Variants in DNAH5 observed in about 807,000 individuals in gnomAD.
The protein encoded by DNAH5 is dynein axonemal heavy chain 5.
A neutral mutation model predicts 518.2 loss-of-function variants in DNAH5; 372 were observed. The observed-to-expected ratio is 0.72, with a 90% CI of 0.66 to 0.78. The LOEUF (loss-of-function observed/expected upper bound fraction) is 0.78, where lower values mean the gene tolerates loss of function less well. Ranked by LOEUF, DNAH5 falls within the 30% of genes least tolerant of loss-of-function variation. DNAH5 has a pLI of 0.00. For missense variants in DNAH5, 5,523 were observed against 5,687.0 expected (o/e 0.97, Z 0.93); for synonymous variants, 2,039 against 2,025.9 (o/e 1.01, Z -0.17).
chr5:13,958,405 T>G (rs1780924670), intron 1 of DNAH5, among the ~76,000 whole-genome samples: 1 of 152,172 alleles, frequency 6.6e-6, no homozygotes, highest in African/African-American at 2.4e-5. Context: ...TACTGGGTAT[T>G]TGTGTTTTGT....
At position 13,721,132 on chromosome 5, in the gene DNAH5, C is replaced by G. The variant is rs893230187; in HGVS notation, c.12147G>C (p.Leu4049=). The change falls in exon 71 of 79, where the codon CTG becomes CTC. Residue 4049 remains leucine, a synonymous_variant. Coordinates refer to ENST00000265104, the MANE Select transcript of DNAH5 (RefSeq NM_001369.3). ...SDPRTPLICL[L]SMGSDPTDSI... ...AATCTGTGGGGTCTGAGCCCATAGA[C>G]AGGAGACAGATGAGTGGCGTCCGTG... 13 of 1,614,114 alleles carry G rather than the reference C, an allele frequency of 8.1e-6. No individual in the cohort carries two copies. The African/African-American group carries it at 1.5e-4, about 18-fold the overall frequency.
At chr5:13,698,010 C>A (rs533504885) in intron 78 of DNAH5, among the ~76,000 whole-genome samples, 47 of 152,238 alleles carry the variant, frequency 3.1e-4, no homozygotes, top group African/African-American at 1.0e-3. Context: ...AGGGTGAATC[C>A]CTTATGAATG....
intron 30 of DNAH5, among the ~76,000 whole-genome samples, chr5:13,859,214 A>G (rs528505547): frequency 6.6e-6 from 1 of 152,150 alleles, no homozygotes; most frequent in African/African-American, 2.4e-5. Flanking sequence ...TGTTTTTTTA[A>G]CCCTCTATCT....
intron 56 of DNAH5, 65 bp from the exon 57 acceptor site, chr5:13,769,680 C>T: frequency 7.5e-7 from 1 of 1,334,640 alleles, no homozygotes; most frequent in Non-Finnish European, 1.1e-6. Flanking sequence ...TTCTCAAGTA[C>T]TGGTCCAATA....
intron 11 of DNAH5, 111 bp downstream of exon 11, chr5:13,913,632 A>G (rs943709297): frequency 7.7e-7 from 1 of 1,294,098 alleles, no homozygotes; most frequent in Non-Finnish European, 1.1e-6. Flanking sequence ...GATTATTTAT[A>G]TTTTACTTTA....
chr5:13,923,386 G>C lies in DNAH5; in HGVS notation c.332C>G (p.Pro111Arg). The C allele has an allele frequency of 6.2e-7, 1 of 1,614,130 alleles. No individual in the cohort carries two copies. Among genetic ancestry groups the C allele is most frequent in the Non-Finnish European group, 8.5e-7 (1 of 1,179,996 alleles). ...VNLVSGKIKKPKVFVTEGNDV... is the reference protein window; with the variant it reads ...VNLVSGKIKKRKVFVTEGNDV... ...GTTTCCCTCGGTCACGAACACCTTA[G>C]GTTTTTTAATCTTTCCAGAAACAAG... The change falls in exon 4 of 79, where the codon CCT becomes CGT. Residue 111 changes from proline (P) to arginine (R), a missense_variant. Physicochemically the swap from Pro to Arg is moderately radical, Grantham distance 103. Around this residue, in one of 3 missense-constraint regions of DNAH5, gnomAD observed 5,121 missense variants for 5,223.3 expected, o/e 0.98. Transcript: ENST00000265104.
chr5:13,730,919 C>T (rs115092964), intron 68 of DNAH5, among the ~76,000 whole-genome samples: 15,621 of 151,934 alleles, frequency 0.1, 1,073 homozygotes, highest in Non-Finnish European at 0.14. Context: ...AGGCTGGTCT[C>T]GAACTCCCGA....
intron 52 of DNAH5, among the ~76,000 whole-genome samples, chr5:13,781,726 A>C (rs1431176700): frequency 2.0e-5 from 3 of 152,094 alleles, no homozygotes; most frequent in African/African-American, 7.2e-5. Context: ...TGGAACTATA[A>C]GTCCAATTAA....
intron 1 of DNAH5, among the ~76,000 whole-genome samples, chr5:13,934,060 T>A (rs1778679275): frequency 6.6e-6 from 1 of 151,832 alleles, no homozygotes; most frequent in Non-Finnish European, 1.5e-5. Context: ...TGGCCAGTTT[T>A]CACCAAAAAA....
chr5:13,903,443 A>G (rs979236907), intron 12 of DNAH5, among the ~76,000 whole-genome samples: 2 of 152,094 alleles, frequency 1.3e-5, no homozygotes, highest in Non-Finnish European at 2.9e-5. Flanking sequence ...CCACAATTAA[A>G]AAAAGACTTA....
In DNAH5 at chr5:13,830,753, C is replaced by T. The variant is rs771510217; in HGVS notation, c.5905G>A (p.Ala1969Thr). ...TDRCYITLAQ[A>T]LGMSMGGAPA... The stretch of plus-strand genomic sequence containing the variant: ...GCTCCCCCCATGCTCATTCCCAGAG[C>T]TTGAGCCAGCGTGATGTAACATCTG... The change falls in exon 36 of 79, where the codon GCT becomes ACT. Residue 1969 changes from alanine to threonine, a missense_variant. By Grantham distance (58) the Ala-to-Thr change is moderately conservative. This residue lies in a region of DNAH5 where 5,121 missense variants were observed against 5,223.3 expected (regional missense o/e 0.98). Coordinates refer to ENST00000265104, the MANE Select transcript of DNAH5 (RefSeq NM_001369.3). The T allele has an allele frequency of 6.8e-6, 11 of 1,614,040 alleles. No individual in the cohort carries two copies. Among genetic ancestry groups the T allele is most frequent in the Non-Finnish European group, 9.3e-6 (11 of 1,180,028 alleles).
At chr5:13,782,346 T>A (rs1317290230) in intron 52 of DNAH5, among the ~76,000 whole-genome samples, 1 of 152,186 alleles carries the variant, frequency 6.6e-6, no homozygotes, top group Non-Finnish European at 1.5e-5. Flanking sequence ...TGAATTACTT[T>A]CCCCAGTTTA....
chr5:13,981,827 G>A (rs941279823), intron 1 of DNAH5, among the ~76,000 whole-genome samples: 5 of 152,212 alleles, frequency 3.3e-5, no homozygotes, highest in African/African-American at 1.2e-4. Context: ...GGAGGTCACA[G>A]TTTAGATGTA....
intron 35 of DNAH5, among the ~76,000 whole-genome samples, chr5:13,832,585 A>T (rs1340857239): frequency 6.6e-6 from 1 of 152,144 alleles, no homozygotes; most frequent in African/African-American, 2.4e-5. Context: ...TATGTGTTTT[A>T]GTTGCCTGTG....
At chr5:13,809,805 GT>G (rs1561317714) in intron 45 of DNAH5, among the ~76,000 whole-genome samples, 1 of 152,244 alleles carries the variant, frequency 6.6e-6, no homozygotes, top group South Asian at 2.1e-4. Context: ...ATCTGATTTG[GT>G]TTTTTAAATG....
In DNAH5 at chr5:13,777,288, T is replaced by G; in HGVS notation, c.9019A>C (p.Lys3007Gln). 2 of 1,613,464 alleles carry G rather than the reference T, an allele frequency of 1.2e-6. No individual in the cohort carries two copies. The highest frequency in any genetic ancestry group is 8.5e-7 in the Non-Finnish European group (1 of 1,179,632). The part of the protein sequence containing the change: ...VLYRTAGQQG[K>Q]GITFIFTDNE... ...TCTGTGAAAATAAAAGTGATTCCTTTGCCTTGCTGACCAGCTGTTCGATAC... is the reference window on the plus strand; with the variant it reads ...TCTGTGAAAATAAAAGTGATTCCTTGGCCTTGCTGACCAGCTGTTCGATAC... Residue 3007 changes from lysine (K) to glutamine (Q), a missense_variant, in exon 54 of 79, where the codon AAA becomes CAA. This residue lies in a region of DNAH5 where 5,121 missense variants were observed against 5,223.3 expected (regional missense o/e 0.98). Coordinates refer to ENST00000265104, the MANE Select transcript of DNAH5 (RefSeq NM_001369.3).
chr5:13,902,129 G>A lies in DNAH5; in HGVS notation c.1654C>T (p.Arg552Trp), dbSNP rs535313247. 23 of 1,604,974 alleles carry A rather than the reference G, an allele frequency of 1.4e-5. No homozygotes were observed. Among genetic ancestry groups the A allele is most frequent in the East Asian group, 4.5e-5 (2 of 44,754 alleles). Residue 552 changes from arginine to tryptophan, a missense_variant, in exon 13 of 79, where the codon CGG (arginine) becomes TGG (tryptophan). Physicochemically the swap from Arg to Trp is moderately radical, Grantham distance 101. Around this residue, in one of 3 missense-constraint regions of DNAH5, gnomAD observed 5,121 missense variants for 5,223.3 expected, o/e 0.98. Coordinates refer to ENST00000265104, the MANE Select transcript of DNAH5 (RefSeq NM_001369.3). ...KQTNDLHNEL[R>W]KFMDVTFAKI... ...GCAAATGTAACATCCATGAACTTCC[G>A]CAACTCGTTCTAAAACAGAATAAAA... is the stretch of plus-strand genomic sequence containing the variant.
At chr5:13,784,524 G>C (rs1185762678) in intron 52 of DNAH5, among the ~76,000 whole-genome samples, 1 of 152,084 alleles carries the variant, frequency 6.6e-6, no homozygotes, top group African/African-American at 2.4e-5. Flanking sequence ...ACTTACTCCA[G>C]CCTTGCAGAA....
At chr5:13,947,906 A>G (rs1780054963), upstream of DNAH5, among the ~76,000 whole-genome samples, 1 of 152,216 alleles carries the variant, frequency 6.6e-6, no homozygotes, top group African/African-American at 2.4e-5. Flanking sequence ...TACCATATTG[A>G]AATGTGGTCA....
Sources: gnomAD v4.1 joint callset for allele counts (sites outside exome capture counted in the v4.1 genomes callset) on GRCh38, gnomAD v4.1.1 for gene constraint, gnomAD v4.1.1 regional missense constraint, MANE v1.5 for transcripts, NCBI Gene and HGNC (gene_info 2026-07-23, HGNC 2026-07-21) for gene names.